MMP26: variants seen among roughly 807,000 people sequenced by gnomAD.
MMP26 encodes the protein matrix metalloproteinase-26.
A neutral mutation model predicts 31.0 loss-of-function variants in MMP26; 33 were observed. The observed-to-expected ratio is 1.06, with a 90% CI of 0.81 to 1.42. The LOEUF is 1.42. MMP26 is among the 40% of genes most tolerant of loss of function. The pLI is 0.00. For synonymous variants in MMP26, 122 were observed against 114.9 expected (o/e 1.06, Z -0.40); for missense variants, 347 against 316.1 (o/e 1.10, Z -0.74).
intron 2 of MMP26, among the ~76,000 whole-genome samples, chr11:4,909,996 T>A (rs1003109037): frequency 6.6e-6 from 1 of 152,120 alleles, no homozygotes; most frequent in Non-Finnish European, 1.5e-5. Flanking sequence ...CATTTTCTAT[T>A]TCTGCATAAC....
intron 2 of MMP26, among the ~76,000 whole-genome samples, chr11:4,982,808 C>G (rs1441275277): frequency 6.6e-6 from 1 of 152,170 alleles, no homozygotes; most frequent in Non-Finnish European, 1.5e-5. Flanking sequence ...CAGGCAAAAC[C>G]TATACTCTAA....
At position 4,988,151 on chromosome 11, in the gene MMP26, A is replaced by G; in HGVS notation, c.-61A>G. 1 of 1,452,514 alleles carries G rather than the reference A, an allele frequency of 6.9e-7. No individual in the cohort carries two copies. The highest frequency in any genetic ancestry group is 9.7e-7 in the Non-Finnish European group (1 of 1,032,824). 90.0% of individuals were successfully genotyped at this position (1,452,514 alleles called of 1,614,324 possible). On this transcript the variant is annotated 5_prime_UTR_variant, in exon 3 of 8. It removes the in-frame stop codon of an upstream open reading frame in the 5' UTR. Coordinates refer to ENST00000380390, the MANE Select transcript of MMP26 (RefSeq NM_021801.5). ...ATTGGATGTTGCTGGCACAGCTATAAAGATCCAGTGGCCCAAGTTGTGTAC... is the reference window on the plus strand; with the variant it reads ...ATTGGATGTTGCTGGCACAGCTATAGAGATCCAGTGGCCCAAGTTGTGTAC...
At chr11:4,888,069 C>A (rs1467818369) in intron 2 of MMP26, among the ~76,000 whole-genome samples, 1 of 152,058 alleles carries the variant, frequency 6.6e-6, no homozygotes. Flanking sequence ...ACTAGTTGAA[C>A]CTTCTTCAAA....
At chr11:4,930,249 G>A (rs1335619596) in intron 2 of MMP26, among the ~76,000 whole-genome samples, 3 of 152,054 alleles carry the variant, frequency 2.0e-5, no homozygotes, top group Admixed American at 2.0e-4. Context: ...CTAATTTGGT[G>A]TAATAGACGT....
At chr11:4,730,085 C>G (rs1280756054) in intron 1 of MMP26, among the ~76,000 whole-genome samples, 1 of 152,126 alleles carries the variant, frequency 6.6e-6, no homozygotes, top group Non-Finnish European at 1.5e-5. Flanking sequence ...TTAGCTTTCA[C>G]TTTGACTGGT....
chr11:4,920,396 A>G (rs1275184048), intron 2 of MMP26, among the ~76,000 whole-genome samples: 1 of 152,082 alleles, frequency 6.6e-6, no homozygotes, highest in Non-Finnish European at 1.5e-5. Context: ...CCTCTTATTC[A>G]GCTATGACTA....
chr11:4,833,144 T>C (rs1849669356), intron 2 of MMP26: 1 of 152,202 alleles, frequency 6.6e-6, no homozygotes, highest in African/African-American at 2.4e-5. Context: ...TTCATCCAAA[T>C]AGGAAATGGT....
At chr11:4,709,890 G>A (rs1167417107) in intron 1 of MMP26, 1 of 456,790 alleles carries the variant, frequency 2.2e-6, no homozygotes, top group African/African-American at 2.0e-5. Context: ...CTTTATCCAT[G>A]GCTTCACATT....
intron 2 of MMP26, chr11:4,848,894 G>T: frequency 1.2e-6 from 2 of 1,614,150 alleles, no homozygotes; most frequent in South Asian, 1.1e-5. Flanking sequence ...TCTGTAGAAG[G>T]CAGGCTGAGG....
At chr11:4,775,685 A>G (rs1346205252) in intron 2 of MMP26, among the ~76,000 whole-genome samples, 1 of 151,856 alleles carries the variant, frequency 6.6e-6, no homozygotes, top group Non-Finnish European at 1.5e-5. Context: ...GCTTCCACTC[A>G]TGGCTGAAAG....
rs148836962 is a variant in MMP26 at position 4,923,961 on chromosome 11, C to T, written c.-144-64107C>T. 8 of 1,614,046 alleles carry T rather than the reference C, an allele frequency of 5.0e-6. No homozygotes were observed. In the African/African-American group the frequency reaches 1.1e-4, roughly 22 times the overall value. On this transcript the variant is annotated intron_variant, in intron 2 of 7. Coordinates refer to ENST00000380390, the MANE Select transcript of MMP26 (RefSeq NM_021801.5). ...GAGTCATGCAGTGGGTTGCAGACGG[C>T]CACGTAGCGGTCAATGGACATGGAT...
intron 2 of MMP26, among the ~76,000 whole-genome samples, chr11:4,838,315 TAAAAAAAAAAAAAAAAAAAA>T (rs540572047): frequency 1.2e-3 from 34 of 27,414 alleles, no homozygotes; most frequent in East Asian, 4.0e-3. Flanking sequence ...AGACTCTGTC[TAAAAAAAAAAAAAAAAAAAA>T]AAAAAAAAAA....
chr11:4,750,713 A>G (rs1242852340), intron 1 of MMP26, among the ~76,000 whole-genome samples: 1 of 152,054 alleles, frequency 6.6e-6, no homozygotes, highest in Non-Finnish European at 1.5e-5. Context: ...AGTAGGGGAT[A>G]AATAATGTGC....
chr11:4,761,172 G>T (rs1325666847), intron 1 of MMP26, among the ~76,000 whole-genome samples: 1 of 152,178 alleles, frequency 6.6e-6, no homozygotes, highest in South Asian at 2.1e-4. Context: ...AAGGAGCAAT[G>T]CCAGAAGACT....
At chr11:4,941,760 T>TAAGC (rs1554892698) in intron 2 of MMP26, among the ~76,000 whole-genome samples, 5 of 151,314 alleles carry the variant, frequency 3.3e-5, no homozygotes, top group Non-Finnish European at 7.4e-5. Flanking sequence ...AAAATAGAAA[T>TAAGC]AAGCAAACTG....
At chr11:4,727,925 T>C (rs74960145) in intron 1 of MMP26, among the ~76,000 whole-genome samples, 9,993 of 152,218 alleles carry the variant, frequency 0.066, 400 homozygotes, top group Non-Finnish European at 0.096. Context: ...AATTAGAAAA[T>C]ATTTAAGTAA....
intron 1 of MMP26, chr11:4,723,152 G>A: frequency 6.3e-7 from 1 of 1,598,948 alleles, no homozygotes; most frequent in Non-Finnish European, 8.6e-7. Flanking sequence ...ATCCTTAATG[G>A]CCAGCTCCCC....
chr11:4,908,201 A>G, intron 2 of MMP26: 1 of 1,614,158 alleles, frequency 6.2e-7, no homozygotes, highest in Non-Finnish European at 8.5e-7. Flanking sequence ...TATTGCAGAT[A>G]TGTTCTTGTT....
rs752168048 is a variant in MMP26 at position 4,804,600 on chromosome 11, C to T, written c.-145+37259C>T. ...TGTTGTTTTTCGTACTTATGTCATT[C>T]AAAATGGGGTAGAACATACTAGTTG... On this transcript the variant is annotated intron_variant, in intron 2 of 7. Transcript: ENST00000380390. The T allele has an allele frequency of 4.1e-6, 3 of 735,874 alleles. No individual in the cohort carries two copies. The East Asian group carries it at 8.0e-5, about 20-fold the overall frequency. The allele number at this position is 735,874 out of a possible 1,614,324, so 45.6% of individuals were successfully genotyped here.
Sources: allele counts gnomAD v4.1 joint callset (sites outside exome capture counted in the v4.1 genomes callset), GRCh38; gene constraint gnomAD v4.1.1; transcripts MANE v1.5; gene names NCBI Gene and HGNC (gene_info 2026-07-23, HGNC 2026-07-21).